P4HA3: variants seen among roughly 807,000 people sequenced by gnomAD.
P4HA3 encodes prolyl 4-hydroxylase subunit alpha-3.
A neutral mutation model predicts 66.7 loss-of-function variants in P4HA3; 60 were observed. The ratio of observed to expected loss-of-function variants is 0.90; its 90% CI spans 0.73 to 1.12. The LOEUF (loss-of-function observed/expected upper bound fraction) is 1.12. Among genes scored for constraint, P4HA3 ranks in the 50% most tolerant of loss-of-function variants. The pLI, the probability that P4HA3 is intolerant of heterozygous loss-of-function variation, is 0.00. For synonymous variants in P4HA3, 263 were observed against 274.6 expected (o/e 0.96, Z 0.42); for missense variants, 683 against 685.8 (o/e 1.00, Z 0.05).
chr11:74,295,212 A>C (rs1266463433), intron 4 of P4HA3, among the ~76,000 whole-genome samples: 1 of 152,244 alleles, frequency 6.6e-6, no homozygotes, highest in African/African-American at 2.4e-5. Context: ...TTTGTTCTCC[A>C]GATTCAGTTC....
chr11:74,261,059 A>G (rs1210140727), intron 14 of P4HA3, among the ~76,000 whole-genome samples: 1 of 152,132 alleles, frequency 6.6e-6, no homozygotes, highest in Non-Finnish European at 1.5e-5. Context: ...TATAGCTTGT[A>G]CCCGCATTCA....
At chr11:74,302,121 T>C (rs939533183) in intron 3 of P4HA3, among the ~76,000 whole-genome samples, 5 of 152,140 alleles carry the variant, frequency 3.3e-5, no homozygotes, top group Non-Finnish European at 5.9e-5. Flanking sequence ...TTAACTACTA[T>C]GGAAAGGGCC....
At chr11:74,285,455 T>G (rs928932401) in intron 7 of P4HA3, 3 of 161,862 alleles carry the variant, frequency 1.9e-5, no homozygotes, top group African/African-American at 7.2e-5. Context: ...TTTATTTGTC[T>G]TTTTTTAGGT....
intron 9 of P4HA3, among the ~76,000 whole-genome samples, chr11:74,275,560 G>C (rs1160583404): frequency 6.6e-6 from 1 of 152,142 alleles, no homozygotes; most frequent in East Asian, 1.9e-4. Context: ...GTACCACACT[G>C]CCTTGATTCC....
chr11:74,294,389 C>T (rs1421000008), intron 4 of P4HA3, among the ~76,000 whole-genome samples: 1 of 152,152 alleles, frequency 6.6e-6, no homozygotes. Flanking sequence ...GCCATTGGTT[C>T]GAATTTCCTC....
At chr11:74,271,102 G>C (rs574095064) in intron 10 of P4HA3, among the ~76,000 whole-genome samples, 1 of 152,076 alleles carries the variant, frequency 6.6e-6, no homozygotes, top group Admixed American at 6.6e-5. Context: ...GTCAGATCCC[G>C]GTACATTTAC....
At chr11:74,302,667 C>T in intron 2 of P4HA3, 75 bp from the exon 3 acceptor site, 1 of 1,309,536 alleles carries the variant, frequency 7.6e-7, no homozygotes, top group Non-Finnish European at 1.1e-6. Flanking sequence ...TAAGGCATGA[C>T]CACCTGTTCA....
At position 74,269,660 on chromosome 11, in the gene P4HA3, C is replaced by T. The variant is rs140451353; in HGVS notation, c.1459G>A (p.Val487Met). ...AFIYANLSVP[V>M]VRNAALFWWN... ...ACCAGGGCCCCACTCACCCTAACCACAGGCACGCTGAGGTTGGCATAGATG... is the reference window on the plus strand; with the variant it reads ...ACCAGGGCCCCACTCACCCTAACCATAGGCACGCTGAGGTTGGCATAGATG... Residue 487 changes from valine to methionine, a missense_variant, in exon 11 of 13, where the codon GTG becomes ATG. Physicochemically the swap from Val to Met is conservative, Grantham distance 21. Coordinates refer to ENST00000331597, the MANE Select transcript of P4HA3 (RefSeq NM_182904.5). The T allele has an allele frequency of 2.7e-5, 44 of 1,613,836 alleles. No homozygotes were observed. In the African/African-American group the frequency reaches 5.6e-4, roughly 21 times the overall value.
intron 15 of P4HA3, chr11:74,250,790 T>C (rs2135684246): frequency 6.6e-6 from 4 of 607,654 alleles, no homozygotes; most frequent in South Asian, 6.2e-5. Flanking sequence ...AGGTTACAAT[T>C]ACTTGTATTA....
intron 7 of P4HA3, among the ~76,000 whole-genome samples, chr11:74,283,177 A>G (rs74523891): frequency 0.04 from 6,041 of 152,272 alleles, 128 homozygotes; most frequent in Middle Eastern, 0.11. Context: ...CCAGAGAGAC[A>G]CTTCTAGGGG....
At chr11:74,271,922 C>T (rs746328017) in intron 10 of P4HA3, among the ~76,000 whole-genome samples, 2 of 152,136 alleles carry the variant, frequency 1.3e-5, no homozygotes, top group Admixed American at 6.5e-5. Flanking sequence ...CCTTTAATTG[C>T]TCTGTGGGAT....
chr11:74,285,837 T>C lies in P4HA3; in HGVS notation c.1082A>G (p.Gln361Arg). ...YHDFVSDSEAQKIRELAEPWL... is the reference protein window; with the variant it reads ...YHDFVSDSEARKIRELAEPWL... ...TGGTTCTGCAAGTTCTCTAATTTTCTGAGCCTCTGAGTCACTGACGAAGTC... is the reference window on the plus strand; with the variant it reads ...TGGTTCTGCAAGTTCTCTAATTTTCCGAGCCTCTGAGTCACTGACGAAGTC... The change falls in exon 7 of 13, where the codon CAG (glutamine) becomes CGG (arginine). Residue 361 changes from glutamine (Q) to arginine (R), a missense_variant. Coordinates refer to ENST00000331597, the MANE Select transcript of P4HA3 (RefSeq NM_182904.5). 1.9e-6 allele frequency: 3 copies of C among 1,613,978 alleles called. No homozygotes were observed. Among genetic ancestry groups the C allele is most frequent in the Non-Finnish European group, 2.5e-6 (3 of 1,179,932 alleles).
At chr11:74,252,017 C>T (rs1219056209) in intron 15 of P4HA3, among the ~76,000 whole-genome samples, 1 of 151,918 alleles carries the variant, frequency 6.6e-6, no homozygotes, top group Non-Finnish European at 1.5e-5. Context: ...GGATAGGAAT[C>T]AGTCCTTTTC....
At chr11:74,274,644 AT>A (rs1205062246) in intron 9 of P4HA3, among the ~76,000 whole-genome samples, 1 of 152,176 alleles carries the variant, frequency 6.6e-6, no homozygotes, top group Non-Finnish European at 1.5e-5. Flanking sequence ...TAAAGCTACT[AT>A]AAACTTTTCT....
At chr11:74,276,861 A>T in intron 9 of P4HA3, 124 bp downstream of exon 9, 1 of 1,120,376 alleles carries the variant, frequency 8.9e-7, no homozygotes. Flanking sequence ...ATTTCTGGAA[A>T]AAGAACCTTT....
At chr11:74,266,577 A>G, downstream of P4HA3, 1 of 164,304 alleles carries the variant, frequency 6.1e-6, no homozygotes, top group South Asian at 1.6e-4. Flanking sequence ...TGGGGAACAC[A>G]TGGATGTGGA....
intron 4 of P4HA3, among the ~76,000 whole-genome samples, chr11:74,292,931 G>A (rs1452235955): frequency 6.6e-6 from 1 of 152,148 alleles, no homozygotes; most frequent in African/African-American, 2.4e-5. Context: ...TGTTGATTTG[G>A]GGTGCAGAGT....
intron 9 of P4HA3, among the ~76,000 whole-genome samples, chr11:74,274,669 TAG>T (rs1457064442): frequency 2.0e-5 from 3 of 152,228 alleles, no homozygotes; most frequent in African/African-American, 4.8e-5. Flanking sequence ...CAAATGTTTG[TAG>T]AGACATATTT....
rs1020090835 is a variant in P4HA3, at chr11:74,277,002, G to T, written c.1318C>A (p.His440Asn). ...ACCATTACCGTAGCATGGTCAAAGT[G>T]AGGCTCATAGTGTCCTCCGATGCCA... is the stretch of plus-strand genomic sequence containing the variant. ...NYGIGGHYEP[H>N]FDHATSPSSP... The change falls in exon 9 of 13, where the codon CAC becomes AAC. Residue 440 changes from histidine (H) to asparagine (N), a missense_variant. By Grantham distance (68) the His-to-Asn change is moderately conservative. Transcript: ENST00000331597. 2.0e-5 allele frequency: 32 copies of T among 1,613,570 alleles called. No individual in the cohort carries two copies. The highest frequency in any genetic ancestry group is 2.5e-5 in the Non-Finnish European group (30 of 1,179,786).
Sources: gnomAD v4.1 joint callset for allele counts (sites outside exome capture counted in the v4.1 genomes callset) on GRCh38, gnomAD v4.1.1 for gene constraint, MANE v1.5 for transcripts, NCBI Gene and HGNC (gene_info 2026-07-23, HGNC 2026-07-21) for gene names.